PRMT2: variants seen among roughly 807,000 people sequenced by gnomAD.
PRMT2 encodes the protein protein arginine N-methyltransferase 2.
A neutral mutation model predicts 57.6 loss-of-function variants in PRMT2; 26 were observed. That is an observed-to-expected ratio of 0.45 (90% confidence interval 0.33 to 0.63). The LOEUF is 0.63. PRMT2 is among the 20% of genes least tolerant of loss of function. PRMT2 has a pLI of 0.02. For missense variants in PRMT2, 472 were observed against 564.4 expected, an observed-to-expected ratio of 0.84 and a Z score of 1.66; for synonymous variants, 219 against 220.0, an observed-to-expected ratio of 1.00 and a Z score of 0.04.
intron 3 of PRMT2, among the ~76,000 whole-genome samples, chr21:46,640,217 A>G (rs969791570): frequency 3.3e-5 from 5 of 152,188 alleles, no homozygotes; most frequent in African/African-American, 1.2e-4. Flanking sequence ...GCCACAATAA[A>G]TTATCATTAT....
chr21:46,664,065 T>C (rs1355848755), intron 11 of PRMT2, among the ~76,000 whole-genome samples: 1 of 152,196 alleles, frequency 6.6e-6, no homozygotes, highest in Non-Finnish European at 1.5e-5. Context: ...ATGTTCTTCT[T>C]TGGGCTCAGG....
At chr21:46,653,204 A>C in intron 7 of PRMT2, 1 of 985,470 alleles carries the variant, frequency 1.0e-6, no homozygotes, top group Non-Finnish European at 1.2e-6. Context: ...TGAGGTTAAC[A>C]AAGATGTAAT....
At chr21:46,660,405 G>A (rs1158590858) in intron 8 of PRMT2, among the ~76,000 whole-genome samples, 2 of 152,150 alleles carry the variant, frequency 1.3e-5, no homozygotes, top group Non-Finnish European at 2.9e-5. Context: ...GGAATACCGC[G>A]TTCATTTACT....
Position 46,638,437 on chromosome 21 carries a change from A to G in PRMT2, c.39+1447A>G, listed in dbSNP as rs141325062. Among the ~76,000 whole-genome samples, 526 of 152,254 alleles carry G rather than the reference A, an allele frequency of 3.5e-3. 4 individuals carry two copies. Among genetic ancestry groups the G allele is most frequent in the African/African-American group, 0.012 (498 of 41,526 alleles). On this transcript the variant is annotated intron_variant, in intron 3 of 11. Transcript: ENST00000355680. ...ACTTAAATTGTTTCTAGTTTTTTCTATTTCAAACAATGCTGTAGTGACCAT... is the reference window on the plus strand; with the variant it reads ...ACTTAAATTGTTTCTAGTTTTTTCTGTTTCAAACAATGCTGTAGTGACCAT...
chr21:46,636,143 C>G (rs2061167422), intron 1 of PRMT2: 1 of 152,818 alleles, frequency 6.5e-6, no homozygotes, highest in African/African-American at 2.4e-5. Flanking sequence ...ACGCGTGGCC[C>G]TCTCGCTTCC....
At chr21:46,654,123 A>C in intron 7 of PRMT2, 1 of 985,638 alleles carries the variant, frequency 1.0e-6, no homozygotes, top group Admixed American at 6.1e-5. Flanking sequence ...ACCAGGCACC[A>C]AATTTTTTTG....
In PRMT2 at chr21:46,649,663, A is replaced by G. The variant is rs1034972139; in HGVS notation, c.578A>G (p.Gln193Arg). Residue 193 changes from glutamine (Q) to arginine (R), a missense_variant, in exon 7 of 12, where the codon CAG becomes CGG. Around this residue, in one of 2 missense-constraint regions of PRMT2, gnomAD observed 243 missense variants for 347.2 expected, o/e 0.70. Transcript: ENST00000355680. The surrounding 1 kb of genome is among the most constrained non-coding windows in gnomAD (Gnocchi z 4.8). Reference sequence around the variant, plus strand: ...TTTGCTGACATCATCACCGTGTACCAGCAGAAGGTGGAGGATGTGGTGCTG... The same window carrying G: ...TTTGCTGACATCATCACCGTGTACCGGCAGAAGGTGGAGGATGTGGTGCTG... Reference protein sequence around the residue: ...NGFADIITVYQQKVEDVVLPE... With the variant: ...NGFADIITVYRQKVEDVVLPE... 3 of 1,613,946 alleles carry G rather than the reference A, an allele frequency of 1.9e-6. No individual in the cohort carries two copies. In the African/African-American group the frequency reaches 4.0e-5, roughly 22 times the overall value.
Position 46,661,882 on chromosome 21 carries a change from A to T in PRMT2, c.1043A>T (p.Gln348Leu). The change falls in exon 10 of 12, where the codon CAG becomes CTG. Residue 348 changes from glutamine (Q) to leucine (L), a missense_variant. Physicochemically the swap from Gln to Leu is moderately radical, Grantham distance 113 (BLOSUM62 -2). Transcript: ENST00000355680. ...ACGGCCTGGTTTAGCGTCCACTTCCAGAGCCTGCAGGAGGGGCAGCCGCCG... is the reference window on the plus strand; with the variant it reads ...ACGGCCTGGTTTAGCGTCCACTTCCTGAGCCTGCAGGAGGGGCAGCCGCCG... Reference protein sequence around the residue: ...GFTAWFSVHFQSLQEGQPPQV... With the variant: ...GFTAWFSVHFLSLQEGQPPQV... 6.7e-7 allele frequency: 1 copy of T among 1,487,150 alleles called. No individual in the cohort carries two copies. The highest frequency in any genetic ancestry group is 9.0e-7 in the Non-Finnish European group (1 of 1,108,776). 92.1% of individuals were successfully genotyped at this position (1,487,150 alleles called of 1,614,324 possible).
rs190453848 is a variant in PRMT2 at position 46,648,673 on chromosome 21, C to T, written c.489+54C>T. On this transcript the variant is annotated intron_variant, in intron 6 of 11. Transcript: ENST00000355680. The surrounding 1 kb of genome is among the most constrained non-coding windows in gnomAD (Gnocchi z 4.8). ...TGTTTGTGCCGAGGCTGGTGACGTC[C>T]GAGGTGGCCTCTGAGTGTGCTGACT... 2.0e-3 allele frequency: 3,247 copies of T among 1,590,880 alleles called. 4 individuals are homozygous for T. The highest frequency in any genetic ancestry group is 2.6e-3 in the Non-Finnish European group (3,055 of 1,164,602).
chr21:46,661,083 AT>A (rs975615086), intron 9 of PRMT2, 121 bp downstream of exon 9: 2 of 975,674 alleles, frequency 2.0e-6, no homozygotes, highest in Non-Finnish European at 2.9e-6. Context: ...ATAACTAATT[AT>A]TTTATTATGC....
chr21:46,661,288 C>A, intron 9 of PRMT2: 1 of 191,580 alleles, frequency 5.2e-6, no homozygotes. Context: ...ATTTGCATTA[C>A]AGTTTTTTTC....
intron 10 of PRMT2, 34 bp downstream of exon 10, chr21:46,661,970 G>GA (rs2061632509): frequency 1.8e-6 from 2 of 1,120,598 alleles, no homozygotes; most frequent in African/African-American, 1.7e-5. Flanking sequence ...GGGGTGCGGG[G>GA]TGGGGGGCAG....
intron 5 of PRMT2, among the ~76,000 whole-genome samples, chr21:46,645,776 G>A (rs1030322415): frequency 1.3e-5 from 2 of 151,742 alleles, no homozygotes; most frequent in Non-Finnish European, 2.9e-5. Flanking sequence ...GAGTGTGGTG[G>A]CAGGATCCTA....
In PRMT2 at chr21:46,660,851, G is replaced by T. The variant is rs760653379; in HGVS notation, c.849G>T (p.Glu283Asp). The part of the protein sequence containing the change: ...LSALKSLAVK[E>D]FFSKPKYNHI... ...CCCCTAGATCTTTAGCAGTTAAGGA[G>T]TTTTTTTCAAAGCCCAAGTATAACC... The change falls in exon 9 of 12, where the codon GAG becomes GAT. Residue 283 changes from glutamate to aspartate, a missense_variant. Physicochemically the swap from Glu to Asp is conservative, Grantham distance 45 (BLOSUM62 2). Around this residue, in one of 2 missense-constraint regions of PRMT2, gnomAD observed 229 missense variants for 217.2 expected, o/e 1.05. Coordinates refer to ENST00000355680, the MANE Select transcript of PRMT2 (RefSeq NM_206962.4). The T allele has an allele frequency of 1.2e-6, 2 of 1,614,016 alleles. No homozygotes were observed. The highest frequency in any genetic ancestry group is 8.5e-7 in the Non-Finnish European group (1 of 1,179,952).
At chr21:46,662,643 C>A (rs796975488) in intron 10 of PRMT2, among the ~76,000 whole-genome samples, 8 of 152,232 alleles carry the variant, frequency 5.3e-5, no homozygotes, top group African/African-American at 1.9e-4. Context: ...ACCTGGGGCA[C>A]AGGCTGGGGT....
chr21:46,659,022 A>T, intron 8 of PRMT2, 102 bp downstream of exon 8: 2 of 1,475,618 alleles, frequency 1.4e-6, no homozygotes, highest in Non-Finnish European at 1.8e-6. Flanking sequence ...ACGGTTGGAT[A>T]AATGAGGGTA....
chr21:46,644,587 G>A (rs2148972191), intron 5 of PRMT2, 99 bp downstream of exon 5: 3 of 1,245,408 alleles, frequency 2.4e-6, no homozygotes, highest in Non-Finnish European at 2.2e-6. Context: ...AGTCTTACAG[G>A]CCAGAGCTCC....
intron 8 of PRMT2, among the ~76,000 whole-genome samples, chr21:46,660,399 T>C (rs764832871): frequency 6.6e-6 from 1 of 152,248 alleles, no homozygotes; most frequent in African/African-American, 2.4e-5. Context: ...ACAGCAGGAA[T>C]ACCGCGTTCA....
chr21:46,659,718 CCA>C, intron 8 of PRMT2: 3 of 985,412 alleles, frequency 3.0e-6, no homozygotes, highest in Non-Finnish European at 3.6e-6. Context: ...GCTGCCCACC[CCA>C]GTCACTGCCA....
Sources: allele counts gnomAD v4.1 joint callset (sites outside exome capture counted in the v4.1 genomes callset), GRCh38; gene constraint gnomAD v4.1.1; regional missense constraint gnomAD v4.1.1; non-coding constraint Gnocchi (gnomAD v3.1); transcripts MANE v1.5; gene names NCBI Gene and HGNC (gene_info 2026-07-23, HGNC 2026-07-21).